The following FAM227B variants were observed in gnomAD, a reference collection of about 807,000 sequenced individuals.
FAM227B encodes family with sequence similarity 227 member B, also known as protein FAM227B.
Under a neutral mutation model 73.8 loss-of-function variants are expected in FAM227B, and 88 were observed. That is an observed-to-expected ratio of 1.19 (90% CI 1.00 to 1.42). The LOEUF is 1.42. FAM227B is among the 40% of genes most tolerant of loss of function. The probability of loss-of-function intolerance (pLI) is 0.00; values close to 1 mark genes in which losing one functional copy is unlikely to be tolerated. For synonymous variants in FAM227B, 210 were observed against 190.5 expected (o/e 1.10, Z -0.84); for missense variants, 632 against 590.9 (o/e 1.07, Z -0.72).
At chr15:49,498,683 A>T (rs975913148) in intron 11 of FAM227B, among the ~76,000 whole-genome samples, 7 of 152,238 alleles carry the variant, frequency 4.6e-5, no homozygotes, top group Admixed American at 4.6e-4. Context: ...TGCCAAGTTG[A>T]AAAAAGAATC....
chr15:49,619,652 C>T (rs1466577710), intron 1 of FAM227B, among the ~76,000 whole-genome samples: 3 of 152,176 alleles, frequency 2.0e-5, no homozygotes, highest in East Asian at 1.9e-4. Context: ...TTATTACATA[C>T]GATAGCAACC....
At chr15:49,490,856 T>C (rs1389639848) in intron 11 of FAM227B, among the ~76,000 whole-genome samples, 2 of 152,010 alleles carry the variant, frequency 1.3e-5, no homozygotes, top group Non-Finnish European at 2.9e-5. Context: ...ATCACTTCTT[T>C]ATTATATATC....
At position 49,367,546 on chromosome 15, in the gene FAM227B, A is replaced by C; in HGVS notation, c.1173T>G (p.Ser391Arg). 6.2e-7 allele frequency: 1 copy of C among 1,606,278 alleles called. No individual in the cohort carries two copies. Among genetic ancestry groups the C allele is most frequent in the African/African-American group, 1.3e-5 (1 of 74,526 alleles). The change falls in exon 13 of 16, where the codon AGT becomes AGG. Residue 391 changes from serine to arginine, a missense_variant. Transcript: ENST00000299338. ...TCTTAAGATAATATAAAATCAATGG[A>C]CTCTGACCTCCAAAATTGAAGAGAA... The part of the protein sequence containing the change: ...NRVLFNFGGQ[S>R]PLILYYLKMH...
intron 11 of FAM227B, among the ~76,000 whole-genome samples, chr15:49,423,690 A>G (rs775300506): frequency 1.0e-3 from 154 of 152,304 alleles, no homozygotes; most frequent in Middle Eastern, 3.4e-3. Flanking sequence ...AGCATATAAT[A>G]AAGAAGTCTA....
At chr15:49,510,736 G>GT (rs896836777) in intron 10 of FAM227B, among the ~76,000 whole-genome samples, 2 of 151,708 alleles carry the variant, frequency 1.3e-5, no homozygotes, top group South Asian at 4.2e-4. Flanking sequence ...TATTTTGGTG[G>GT]TTTTTTTTCT....
At chr15:49,412,378 TA>T (rs2048926356) in intron 11 of FAM227B, among the ~76,000 whole-genome samples, 1 of 152,120 alleles carries the variant, frequency 6.6e-6, no homozygotes, top group South Asian at 2.1e-4. Context: ...GTTTCTCTGC[TA>T]ACATCCTTCT....
At chr15:49,345,397 C>T (rs1368139036) in intron 13 of FAM227B, among the ~76,000 whole-genome samples, 1 of 152,144 alleles carries the variant, frequency 6.6e-6, no homozygotes, top group Non-Finnish European at 1.5e-5. Flanking sequence ...GAAATCTTAG[C>T]ATTTTCTTGT....
At chr15:49,465,711 T>C (rs2054210400) in intron 11 of FAM227B, among the ~76,000 whole-genome samples, 1 of 152,188 alleles carries the variant, frequency 6.6e-6, no homozygotes, top group Non-Finnish European at 1.5e-5. Flanking sequence ...CCAAGGAATT[T>C]TGTGCTTATT....
intron 10 of FAM227B, among the ~76,000 whole-genome samples, chr15:49,519,792 T>G (rs572434238): frequency 6.6e-6 from 1 of 152,296 alleles, no homozygotes; most frequent in African/African-American, 2.4e-5. Context: ...CCCCATTGTC[T>G]TAGCAATTAA....
intron 11 of FAM227B, chr15:49,396,147 T>A (rs543913219): frequency 1.9e-5 from 7 of 362,400 alleles, no homozygotes; most frequent in Non-Finnish European, 3.3e-5. Context: ...GCTCACCGTG[T>A]GCGAGCCGAA....
At chr15:49,357,154 C>G (rs2043296574) in intron 13 of FAM227B, among the ~76,000 whole-genome samples, 1 of 149,632 alleles carries the variant, frequency 6.7e-6, no homozygotes, top group African/African-American at 2.5e-5. Flanking sequence ...AATTGACACC[C>G]TAACATCACA....
At chr15:49,488,748 A>C (rs991041033) in intron 11 of FAM227B, 5 of 152,040 alleles carry the variant, frequency 3.3e-5, no homozygotes, top group African/African-American at 1.2e-4. Context: ...GCTGTGTAAC[A>C]AATTAAAACT....
chr15:49,445,179 T>C (rs536576776), intron 11 of FAM227B, among the ~76,000 whole-genome samples: 26 of 151,780 alleles, frequency 1.7e-4, no homozygotes, highest in African/African-American at 6.0e-4. Context: ...CTTGGGTATA[T>C]TGTGTGATGC....
intron 3 of FAM227B, among the ~76,000 whole-genome samples, chr15:49,600,984 G>A (rs1056338242): frequency 1.3e-5 from 2 of 149,672 alleles, no homozygotes; most frequent in African/African-American, 4.9e-5. Context: ...AGAGGTTGCG[G>A]TGAGTGGAGA....
At chr15:49,340,907 T>G (rs2040622538) in intron 13 of FAM227B, among the ~76,000 whole-genome samples, 1 of 152,226 alleles carries the variant, frequency 6.6e-6, no homozygotes, top group Non-Finnish European at 1.5e-5. Flanking sequence ...GTCTTACATT[T>G]AAATATTTAA....
At chr15:49,569,528 T>C (rs2074938517) in intron 8 of FAM227B, among the ~76,000 whole-genome samples, 1 of 151,854 alleles carries the variant, frequency 6.6e-6, no homozygotes, top group African/African-American at 2.4e-5. Flanking sequence ...TAATTGTGTT[T>C]ATTTATAGGG....
intron 3 of FAM227B, among the ~76,000 whole-genome samples, chr15:49,600,425 G>A (rs772665258): frequency 6.0e-5 from 9 of 151,144 alleles, no homozygotes; most frequent in Middle Eastern, 3.4e-3. Flanking sequence ...AGGCCAAGGC[G>A]GGTGGGTCAC....
chr15:49,536,117 TG>T (rs1305870757), intron 10 of FAM227B, among the ~76,000 whole-genome samples: 2 of 130,502 alleles, frequency 1.5e-5, no homozygotes, highest in Non-Finnish European at 3.4e-5. Flanking sequence ...AACTTGAAAA[TG>T]GGAAAGGAAA....
intron 11 of FAM227B, among the ~76,000 whole-genome samples, chr15:49,409,470 G>T (rs1238797820): frequency 6.6e-6 from 1 of 150,742 alleles, no homozygotes; most frequent in Non-Finnish European, 1.5e-5. Flanking sequence ...AGGAGTACTT[G>T]TACTCTTTTA....
Sources: gnomAD v4.1 joint callset for allele counts (sites outside exome capture counted in the v4.1 genomes callset) on GRCh38, gnomAD v4.1.1 for gene constraint, MANE v1.5 for transcripts, NCBI Gene and HGNC (gene_info 2026-07-23, HGNC 2026-07-21) for gene names.